Variants in LOC128462377 observed in about 807,000 individuals in gnomAD.
chr16:89,396,956 G>A, the LOC128462377 span, among the ~76,000 whole-genome samples: 3 of 108,202 alleles, frequency 2.8e-5, no homozygotes, highest in African/African-American at 8.8e-5. Context: ...CAGAGCACTG[G>A]TGGGATTATA....
chr16:89,330,017 A>AAATAG, the LOC128462377 span, among the ~76,000 whole-genome samples: 1 of 151,958 alleles, frequency 6.6e-6, no homozygotes, highest in Non-Finnish European at 1.5e-5. Flanking sequence ...AAATAAAATA[A>AAATAG]AATAAAATAA....
At chr16:89,338,867 A>T in the LOC128462377 span, among the ~76,000 whole-genome samples, 1 of 152,198 alleles carries the variant, frequency 6.6e-6, no homozygotes, top group Non-Finnish European at 1.5e-5. Context: ...AGGTTTGCCA[A>T]ATGAATACTT....
the LOC128462377 span, among the ~76,000 whole-genome samples, chr16:89,372,595 A>G: frequency 2.0e-5 from 3 of 152,228 alleles, no homozygotes; most frequent in Non-Finnish European, 4.4e-5. Flanking sequence ...TAAGATATTA[A>G]TACTAAAAAT....
chr16:89,417,430 C>A, the LOC128462377 span, among the ~76,000 whole-genome samples: 5 of 152,180 alleles, frequency 3.3e-5, no homozygotes, highest in African/African-American at 7.2e-5. Context: ...GTTCACCATG[C>A]GTCTCTGGAA....
chr16:89,381,354 A>AAAAAAAG, the LOC128462377 span, among the ~76,000 whole-genome samples: 104 of 125,322 alleles, frequency 8.3e-4, 3 homozygotes, highest in African/African-American at 3.1e-3. Flanking sequence ...AAAAAAAAAA[A>AAAAAAAG]GGGGTGAGAA....
At chr16:89,381,935 C>T in the LOC128462377 span, among the ~76,000 whole-genome samples, 36 of 152,206 alleles carry the variant, frequency 2.4e-4, no homozygotes, top group African/African-American at 7.7e-4. Flanking sequence ...GACCTCTCCA[C>T]GGGGCTCAGA....
chr16:89,334,730 G>A, the LOC128462377 span, among the ~76,000 whole-genome samples: 2 of 152,180 alleles, frequency 1.3e-5, no homozygotes, highest in East Asian at 1.9e-4. Flanking sequence ...CGCCAACCAC[G>A]TCATACCACA....
At chr16:89,410,239 G>C in the LOC128462377 span, among the ~76,000 whole-genome samples, 4 of 152,232 alleles carry the variant, frequency 2.6e-5, no homozygotes, top group East Asian at 7.7e-4. Context: ...ACGGCCCTTT[G>C]AGTGTCACCT....
chr16:89,353,849 A>G, the LOC128462377 span, among the ~76,000 whole-genome samples: 2 of 152,190 alleles, frequency 1.3e-5, no homozygotes, highest in East Asian at 3.9e-4. Context: ...AACACACATC[A>G]GCCCTGAGAC....
the LOC128462377 span, among the ~76,000 whole-genome samples, chr16:89,387,261 G>A: frequency 6.6e-6 from 1 of 152,094 alleles, no homozygotes; most frequent in African/African-American, 2.4e-5. Context: ...CAAGGGAGAG[G>A]CCTGAATGGT....
chr16:89,413,087 C>T, the LOC128462377 span, among the ~76,000 whole-genome samples: 1 of 152,130 alleles, frequency 6.6e-6, no homozygotes, highest in African/African-American at 2.4e-5. Flanking sequence ...TAGGAGGGGG[C>T]GCCGCTCAGC....
At chr16:89,417,057 G>A in the LOC128462377 span, among the ~76,000 whole-genome samples, 6 of 152,240 alleles carry the variant, frequency 3.9e-5, no homozygotes, top group South Asian at 1.2e-3. Context: ...CACAGATTAA[G>A]AGAAGACAAT....
chr16:89,318,877 C>T, the LOC128462377 span, among the ~76,000 whole-genome samples: 1 of 152,166 alleles, frequency 6.6e-6, no homozygotes, highest in Non-Finnish European at 1.5e-5. Context: ...ATCCACCATC[C>T]CTGATGCCTG....
chr16:89,409,674 T>C, the LOC128462377 span, among the ~76,000 whole-genome samples: 1 of 152,158 alleles, frequency 6.6e-6, no homozygotes, highest in Non-Finnish European at 1.5e-5. Flanking sequence ...ACACGAAAAC[T>C]GGTTGTCGTG....
the LOC128462377 span, among the ~76,000 whole-genome samples, chr16:89,373,953 G>A: frequency 8.1e-3 from 1,241 of 152,334 alleles, 16 homozygotes; most frequent in African/African-American, 0.028. Context: ...CAAGCGGGCT[G>A]GGGCCCTGGC....
the LOC128462377 span, among the ~76,000 whole-genome samples, chr16:89,391,097 G>A: frequency 8.6e-5 from 13 of 151,962 alleles, no homozygotes; most frequent in Non-Finnish European, 1.8e-4. Context: ...GCGCGGTGGT[G>A]GGCGCCTGTA....
At chr16:89,354,556 G>T in the LOC128462377 span, among the ~76,000 whole-genome samples, 1 of 152,170 alleles carries the variant, frequency 6.6e-6, no homozygotes, top group Non-Finnish European at 1.5e-5. Flanking sequence ...ATACTCAAGA[G>T]ATTTGATTGT....
At chr16:89,417,604 C>G in the LOC128462377 span, among the ~76,000 whole-genome samples, 2 of 152,202 alleles carry the variant, frequency 1.3e-5, no homozygotes, top group African/African-American at 4.8e-5. Context: ...ACCTGCCAAC[C>G]ATACACACTG....
chr16:89,339,224 T>C, the LOC128462377 span, among the ~76,000 whole-genome samples: 10 of 152,344 alleles, frequency 6.6e-5, no homozygotes, highest in Non-Finnish European at 1.5e-4. Context: ...ATTATCACAA[T>C]GAAGGTGAAG....
Sources: allele counts gnomAD v4.1 joint callset (sites outside exome capture counted in the v4.1 genomes callset), GRCh38; gene constraint gnomAD v4.1.1; transcripts MANE v1.5.